The following TMEM266 variants were observed in gnomAD, a reference collection of about 807,000 sequenced individuals.
TMEM266 encodes the protein transmembrane protein 266, also known as Hv1 related protein 1.
Under a neutral mutation model 50.5 loss-of-function variants are expected in TMEM266, and 33 were observed. That is an observed-to-expected ratio of 0.65 (90% confidence interval 0.50 to 0.87). The LOEUF (loss-of-function observed/expected upper bound fraction) is 0.87. Ranked by LOEUF, TMEM266 falls within the 40% of genes least tolerant of loss-of-function variation. The pLI is 0.00. For missense variants in TMEM266, 655 were observed against 695.1 expected (o/e 0.94, Z 0.65); for synonymous variants, 310 against 292.3 (o/e 1.06, Z -0.62).
Position 76,121,265 on chromosome 15 carries a change from T to C in TMEM266, c.-96-12903T>C, listed in dbSNP as rs1241155439. ...TTTATATATAATACAAAGATATATA[T>C]ACCAATATATGTGATGTAAAATGTA... On this transcript the variant is annotated intron_variant, in intron 1 of 10. Transcript: ENST00000388942. 2.0e-5 allele frequency among the ~76,000 whole-genome samples: 3 copies of C among 152,058 alleles called. 1 individual carries two copies. In the East Asian group the frequency reaches 5.8e-4, roughly 29 times the overall value.
chr15:76,127,518 G>T lies in TMEM266; in HGVS notation c.-96-6650G>T, dbSNP rs535857993. ...ATTTTTGTATTTTTAGTAGAGATGA[G>T]GTTTGCCATGTTGGCCAAGCTGGCC... is the stretch of plus-strand genomic sequence containing the variant. On this transcript the variant is annotated intron_variant, in intron 1 of 10. Transcript: ENST00000388942. Among the ~76,000 whole-genome samples, 16 of 152,112 alleles carry T rather than the reference G, an allele frequency of 1.1e-4. No individual in the cohort carries two copies. In the East Asian group the frequency reaches 2.5e-3, roughly 24 times the overall value.
At chr15:76,091,975 G>A (rs2036854750) in intron 1 of TMEM266, among the ~76,000 whole-genome samples, 3 of 151,794 alleles carry the variant, frequency 2.0e-5, no homozygotes, top group South Asian at 4.2e-4. Flanking sequence ...TGGCAACAGA[G>A]CAAGACCCTG....
intron 3 of TMEM266, among the ~76,000 whole-genome samples, chr15:76,141,483 C>A (rs1411908095): frequency 1.3e-5 from 2 of 152,138 alleles, no homozygotes; most frequent in African/African-American, 2.4e-5. Context: ...AAGTGATCTG[C>A]CTGCCTCTGC....
intron 1 of TMEM266, among the ~76,000 whole-genome samples, chr15:76,083,478 G>A (rs574835282): frequency 6.6e-6 from 1 of 151,968 alleles, no homozygotes; most frequent in Non-Finnish European, 1.5e-5. Context: ...TCTGTTTCTC[G>A]AACAGTCCCA....
chr15:76,143,518 T>C (rs2037712768), intron 3 of TMEM266, among the ~76,000 whole-genome samples: 1 of 152,184 alleles, frequency 6.6e-6, no homozygotes, highest in Admixed American at 6.5e-5. Context: ...CTGATTTTCT[T>C]TTTTATTTAA....
At chr15:76,179,227 G>T (rs1284916824) in intron 8 of TMEM266, among the ~76,000 whole-genome samples, 1 of 152,198 alleles carries the variant, frequency 6.6e-6, no homozygotes, top group African/African-American at 2.4e-5. Context: ...GCATTAATGG[G>T]ACATCTATGG....
chr15:76,156,122 A>G (rs996490918), intron 3 of TMEM266, among the ~76,000 whole-genome samples: 2 of 152,214 alleles, frequency 1.3e-5, no homozygotes, highest in African/African-American at 4.8e-5. Flanking sequence ...GCACTTTGGA[A>G]GGCCGAGGTG....
chr15:76,130,253 AAC>A (rs147962398), intron 1 of TMEM266, among the ~76,000 whole-genome samples: 1,261 of 60,414 alleles, frequency 0.021, 479 homozygotes, highest in Non-Finnish European at 0.026. Flanking sequence ...AAAAAAAAAA[AAC>A]CGCCGGGTGC....
At chr15:76,188,472 A>C (rs1026342447) in intron 8 of TMEM266, among the ~76,000 whole-genome samples, 2 of 152,182 alleles carry the variant, frequency 1.3e-5, no homozygotes, top group Admixed American at 1.3e-4. Flanking sequence ...GCGTGGTGGC[A>C]CATGCCTGTA....
intron 3 of TMEM266, among the ~76,000 whole-genome samples, chr15:76,152,385 G>A (rs1264493261): frequency 1.3e-5 from 2 of 152,220 alleles, no homozygotes; most frequent in South Asian, 2.1e-4. Context: ...CCAGAGCAGC[G>A]TGGCACAGGC....
intron 9 of TMEM266, among the ~76,000 whole-genome samples, chr15:76,194,483 C>A (rs2038626533): frequency 6.6e-6 from 1 of 152,242 alleles, no homozygotes; most frequent in Non-Finnish European, 1.5e-5. Context: ...AAAGCCCACG[C>A]CCCTTAGGCT....
At chr15:76,124,501 C>T (rs905586627) in intron 1 of TMEM266, among the ~76,000 whole-genome samples, 1 of 152,122 alleles carries the variant, frequency 6.6e-6, no homozygotes, top group African/African-American at 2.4e-5. Flanking sequence ...CAATTCCTAT[C>T]AAAATTCCAA....
intron 8 of TMEM266, among the ~76,000 whole-genome samples, chr15:76,190,983 A>G (rs1425766440): frequency 1.3e-5 from 2 of 152,204 alleles, no homozygotes; most frequent in South Asian, 2.1e-4. Flanking sequence ...CGGGACCTGC[A>G]GTGTCAGACC....
Position 76,119,391 on chromosome 15 carries a change from CAAAAA to C in TMEM266, c.-96-14760_-96-14756del, listed in dbSNP as rs57532855. 8.6e-4 allele frequency among the ~76,000 whole-genome samples: 94 copies of C among 109,794 alleles called. 1 individual carries two copies. In the East Asian group the frequency reaches 0.018, roughly 21 times the overall value. The allele number at this position is 109,794 out of a possible 152,430, so 72.0% of individuals were successfully genotyped here. On this transcript the variant is annotated intron_variant, in intron 1 of 10. Coordinates refer to ENST00000388942, the MANE Select transcript of TMEM266 (RefSeq NM_152335.3). ...TCGTTTAGGGGGTTAGGGTTTATGG[CAAAAA>C]AAAAAAAAAAAAAAAAGAAAAGAAA...
In TMEM266 at chr15:76,086,936, G is replaced by T. The variant is rs561354627; in HGVS notation, c.-97+26920G>T. 3.8e-3 allele frequency among the ~76,000 whole-genome samples: 570 copies of T among 151,768 alleles called. 8 individuals carry two copies. The highest frequency in any genetic ancestry group is 0.013 in the African/African-American group (552 of 41,296). On this transcript the variant is annotated intron_variant, in intron 1 of 10. Coordinates refer to ENST00000388942, the MANE Select transcript of TMEM266 (RefSeq NM_152335.3). ...AGAAAAAGGGAGCAGGTCGGGGGGG[G>T]GGCGGTGGTGTTGCAAAGGGAGTAC...
At chr15:76,169,936 G>C in intron 6 of TMEM266, 64 bp downstream of exon 6, 1 of 1,541,728 alleles carries the variant, frequency 6.5e-7, no homozygotes, top group Non-Finnish European at 9.0e-7. Flanking sequence ...AAAACGTCAT[G>C]TCCCATCCAT....
chr15:76,193,544 C>A (rs532978316), intron 9 of TMEM266, among the ~76,000 whole-genome samples: 1 of 152,184 alleles, frequency 6.6e-6, no homozygotes, highest in East Asian at 1.9e-4. Flanking sequence ...ATCTTCAGAT[C>A]TTAGAAACAT....
chr15:76,198,906 G>A (rs568046561), intron 9 of TMEM266, among the ~76,000 whole-genome samples: 1 of 152,392 alleles, frequency 6.6e-6, no homozygotes, highest in Non-Finnish European at 1.5e-5. Flanking sequence ...CCAAGGCCCT[G>A]TGTGGGTCCA....
rs190527436 is a variant in TMEM266, at chr15:76,144,577, C to T, written c.227+6682C>T. On this transcript the variant is annotated intron_variant, in intron 3 of 10. Transcript: ENST00000388942. ...CCAAGCCTGTACCATGCTGTCAGTGCGCGGCTTATGGCCCCAGCTCCAGTC... is the reference window on the plus strand; with the variant it reads ...CCAAGCCTGTACCATGCTGTCAGTGTGCGGCTTATGGCCCCAGCTCCAGTC... Among the ~76,000 whole-genome samples the T allele has an allele frequency of 2.5e-4, 38 of 152,210 alleles. No homozygotes were observed. The East Asian group carries it at 4.1e-3, about 16-fold the overall frequency.
Sources: gnomAD v4.1 joint callset for allele counts (sites outside exome capture counted in the v4.1 genomes callset) on GRCh38, gnomAD v4.1.1 for gene constraint, MANE v1.5 for transcripts, NCBI Gene and HGNC (gene_info 2026-07-23, HGNC 2026-07-21) for gene names.